EYS: variants seen among roughly 807,000 people sequenced by gnomAD.
EYS encodes protein eyes shut homolog.
EYS carries 250 observed loss-of-function variants against 282.1 expected under a neutral mutation model. The observed-to-expected ratio is 0.89, with a 90% CI of 0.80 to 0.98. The LOEUF is 0.98. Ranked by LOEUF, EYS falls within the 50% of genes least tolerant of loss-of-function variation. EYS has a pLI of 0.00. For missense variants in EYS, 4,016 were observed against 3,709.0 expected, an observed-to-expected ratio of 1.08 and a Z score of -2.15; for synonymous variants, 1,355 against 1,282.9, an observed-to-expected ratio of 1.06 and a Z score of -1.20.
At chr6:65,378,584 C>T (rs13172649) in intron 8 of EYS, among the ~76,000 whole-genome samples, 1 of 152,054 alleles carries the variant, frequency 6.6e-6, no homozygotes, top group African/African-American at 2.4e-5. Flanking sequence ...CACATGCACA[C>T]AAAAGTTTAT....
At chr6:64,331,572 T>C (rs1007363590) in intron 29 of EYS, among the ~76,000 whole-genome samples, 2 of 141,102 alleles carry the variant, frequency 1.4e-5, no homozygotes, top group South Asian at 4.8e-4. Flanking sequence ...AGTTCTCAGA[T>C]GGGAGGCTCG....
chr6:64,829,083 G>A (rs993642932), intron 19 of EYS, among the ~76,000 whole-genome samples: 2 of 151,938 alleles, frequency 1.3e-5, no homozygotes, highest in African/African-American at 4.8e-5. Context: ...GACATGGCTG[G>A]ACTGGAAGGC....
At chr6:65,544,900 C>T (rs1418504764) in intron 2 of EYS, among the ~76,000 whole-genome samples, 1 of 151,818 alleles carries the variant, frequency 6.6e-6, no homozygotes, top group Non-Finnish European at 1.5e-5. Flanking sequence ...TACATGTTTA[C>T]AAAAATCTTC....
chr6:63,732,031 C>T (rs1362749918), intron 41 of EYS, among the ~76,000 whole-genome samples: 4 of 151,906 alleles, frequency 2.6e-5, no homozygotes, highest in Non-Finnish European at 4.4e-5. Context: ...TTCCCTGTTA[C>T]CCAGTGGGGA....
At chr6:64,880,591 G>T (rs566944869) in intron 19 of EYS, among the ~76,000 whole-genome samples, 1 of 151,036 alleles carries the variant, frequency 6.6e-6, no homozygotes, top group East Asian at 1.9e-4. Context: ...AACTTTTTCC[G>T]TAGCTTTCCC....
At chr6:64,188,551 T>C (rs1244902944) in intron 31 of EYS, among the ~76,000 whole-genome samples, 1 of 152,132 alleles carries the variant, frequency 6.6e-6, no homozygotes, top group Non-Finnish European at 1.5e-5. Context: ...TAATTGGTCT[T>C]GTATTCTTAT....
At chr6:65,124,817 C>T (rs1211118116) in intron 12 of EYS, among the ~76,000 whole-genome samples, 1 of 152,174 alleles carries the variant, frequency 6.6e-6, no homozygotes, top group Non-Finnish European at 1.5e-5. Flanking sequence ...AACACAGATG[C>T]TGTCCCCCAT....
At chr6:64,120,625 T>G (rs1327732831) in intron 31 of EYS, among the ~76,000 whole-genome samples, 3 of 151,846 alleles carry the variant, frequency 2.0e-5, no homozygotes, top group Non-Finnish European at 4.4e-5. Context: ...ATTGTTATTT[T>G]CACATCTAGA....
chr6:65,043,954 C>T (rs1438387685), intron 13 of EYS, among the ~76,000 whole-genome samples: 1 of 151,628 alleles, frequency 6.6e-6, no homozygotes, highest in Non-Finnish European at 1.5e-5. Context: ...TTTGAGGAAT[C>T]TCCGTACCAT....
chr6:65,365,064 G>A (rs1171958963), intron 8 of EYS, among the ~76,000 whole-genome samples: 1 of 151,556 alleles, frequency 6.6e-6, no homozygotes, highest in Non-Finnish European at 1.5e-5. Context: ...TAACTCTGAA[G>A]AGCAGCTGGA....
chr6:65,080,034 C>T (rs917478629), intron 12 of EYS, among the ~76,000 whole-genome samples: 1 of 151,958 alleles, frequency 6.6e-6, no homozygotes, highest in Non-Finnish European at 1.5e-5. Context: ...GAATTGGAAC[C>T]AGTGAAGAGT....
intron 19 of EYS, among the ~76,000 whole-genome samples, chr6:64,868,460 A>G (rs1310490169): frequency 1.3e-5 from 2 of 151,610 alleles, no homozygotes; most frequent in Non-Finnish European, 3.0e-5. Flanking sequence ...TCCAATGATT[A>G]TGTAATCTTA....
intron 26 of EYS, among the ~76,000 whole-genome samples, chr6:64,465,906 C>T (rs956261721): frequency 2.6e-5 from 4 of 151,818 alleles, no homozygotes; most frequent in Admixed American, 2.6e-4. Context: ...AACTCAGTAG[C>T]AAGAAAACAA....
chr6:65,667,944 T>C (rs1768256127), intron 1 of EYS, among the ~76,000 whole-genome samples: 1 of 151,758 alleles, frequency 6.6e-6, no homozygotes, highest in South Asian at 2.1e-4. Context: ...ATGGGGTGAG[T>C]GGTTGATATG....
intron 8 of EYS, among the ~76,000 whole-genome samples, chr6:65,382,883 T>A (rs1368455773): frequency 6.6e-6 from 1 of 151,938 alleles, no homozygotes; most frequent in East Asian, 1.9e-4. Flanking sequence ...CAAATGTTAA[T>A]CTCCTTTGAC....
At chr6:64,410,882 T>C (rs1259098610) in intron 28 of EYS, among the ~76,000 whole-genome samples, 1 of 152,172 alleles carries the variant, frequency 6.6e-6, no homozygotes, top group Non-Finnish European at 1.5e-5. Context: ...AGACAAAATC[T>C]GTAACATTTA....
At chr6:65,598,679 A>G (rs1002651168) in intron 2 of EYS, among the ~76,000 whole-genome samples, 7 of 152,060 alleles carry the variant, frequency 4.6e-5, no homozygotes, top group African/African-American at 1.7e-4. Context: ...TCTGTTCCAT[A>G]CTTGAGTAGA....
chr6:64,578,628 G>A (rs537819928), intron 26 of EYS, among the ~76,000 whole-genome samples: 3 of 151,812 alleles, frequency 2.0e-5, no homozygotes, highest in African/African-American at 7.2e-5. Context: ...TGTGGTGTGT[G>A]TGTGTGTTTT....
intron 31 of EYS, among the ~76,000 whole-genome samples, chr6:64,191,892 A>G: frequency 6.6e-6 from 1 of 150,550 alleles, no homozygotes; most frequent in Non-Finnish European, 1.5e-5. Flanking sequence ...AAGATCCCTG[A>G]GGAATCGCCA....
Sources: allele counts gnomAD v4.1 joint callset (sites outside exome capture counted in the v4.1 genomes callset), GRCh38; gene constraint gnomAD v4.1.1; transcripts MANE v1.5; gene names NCBI Gene and HGNC (gene_info 2026-07-23, HGNC 2026-07-21).